The following ARFGEF1 variants were observed in gnomAD, a reference collection of about 807,000 sequenced individuals.
ARFGEF1 encodes the protein brefeldin A-inhibited guanine nucleotide-exchange protein 1.
ARFGEF1 carries 42 observed loss-of-function variants against 231.0 expected under a neutral mutation model. The observed-to-expected ratio is 0.18, with a 90% CI of 0.14 to 0.24. ARFGEF1 has a LOEUF of 0.24. Among genes scored for constraint, ARFGEF1 ranks in the 10% least tolerant of loss-of-function variants. The pLI, the probability that ARFGEF1 is intolerant of heterozygous loss-of-function variation, is 1.00. For missense variants in ARFGEF1, 1,345 were observed against 2,192.0 expected, an observed-to-expected ratio of 0.61 and a Z score of 7.72; for synonymous variants, 710 against 732.3, an observed-to-expected ratio of 0.97 and a Z score of 0.49.
chr8:67,200,036 G>T (rs754958609), intron 38 of ARFGEF1: 2 of 348,740 alleles, frequency 5.7e-6, no homozygotes, highest in Admixed American at 7.6e-5. Flanking sequence ...ATGTAGTCTT[G>T]AGTAGTAGGC....
chr8:67,283,550 C>T (rs1163317382), intron 7 of ARFGEF1, among the ~76,000 whole-genome samples: 1 of 151,938 alleles, frequency 6.6e-6, no homozygotes, highest in Non-Finnish European at 1.5e-5. Flanking sequence ...CAGCAAAACA[C>T]ACCATAATAA....
intron 1 of ARFGEF1, among the ~76,000 whole-genome samples, chr8:67,327,656 T>C (rs1422173050): frequency 6.6e-6 from 1 of 152,248 alleles, no homozygotes; most frequent in Non-Finnish European, 1.5e-5. Context: ...GAATATTTTA[T>C]AGTAGTTCTA....
intron 5 of ARFGEF1, among the ~76,000 whole-genome samples, chr8:67,183,462 A>G (rs1365639956): frequency 6.6e-6 from 1 of 152,212 alleles, no homozygotes; most frequent in Non-Finnish European, 1.5e-5. Context: ...CCAGACCACA[A>G]TGGAAATAAA....
intron 7 of ARFGEF1, 75 bp from the exon 8 acceptor site, chr8:67,277,532 T>C: frequency 7.2e-7 from 1 of 1,395,068 alleles, no homozygotes; most frequent in African/African-American, 1.4e-5. Flanking sequence ...ACAGAGTATT[T>C]AAAATGAAAC....
rs1805699154 is a variant in ARFGEF1 at position 67,285,123 on chromosome 8, A to G, written c.1027+2832T>C. Among the ~76,000 whole-genome samples the G allele has an allele frequency of 2.0e-5, 3 of 151,958 alleles. No homozygotes were observed. In the South Asian group the frequency reaches 6.2e-4, roughly 32 times the overall value. On this transcript the variant is annotated intron_variant, in intron 7 of 38. Coordinates refer to ENST00000262215, the MANE Select transcript of ARFGEF1 (RefSeq NM_006421.5). ...AGGGGGGGGTGGGGCAGGGTGGGAGAGCTCTTCTCTATAGAAAAATGTCAA... is the reference window on the plus strand; with the variant it reads ...AGGGGGGGGTGGGGCAGGGTGGGAGGGCTCTTCTCTATAGAAAAATGTCAA...
intron 5 of ARFGEF1, among the ~76,000 whole-genome samples, chr8:67,177,001 G>A (rs888332056): frequency 2.0e-5 from 3 of 150,752 alleles, no homozygotes; most frequent in African/African-American, 7.3e-5. Context: ...AACCCAGGAG[G>A]TGGAGGTTGC....
intron 5 of ARFGEF1, among the ~76,000 whole-genome samples, chr8:67,181,685 TAAAC>T (rs1833088337): frequency 6.6e-6 from 1 of 152,206 alleles, no homozygotes; most frequent in Admixed American, 6.5e-5. Flanking sequence ...AAAATACACA[TAAAC>T]ATAACATTTA....
chr8:67,266,754 G>C (rs554863920), intron 13 of ARFGEF1, 122 bp downstream of exon 13: 38 of 632,610 alleles, frequency 6.0e-5, no homozygotes, highest in South Asian at 2.6e-4. Flanking sequence ...CACAGAGAAT[G>C]TTTCCTCATC....
Position 67,259,838 on chromosome 8 carries a change from G to A in ARFGEF1, c.2212C>T (p.His738Tyr), listed in dbSNP as rs1017796535. 5 of 1,608,824 alleles carry A rather than the reference G, an allele frequency of 3.1e-6. No homozygotes were observed. The highest frequency in any genetic ancestry group is 4.2e-6 in the Non-Finnish European group (5 of 1,176,710). Residue 738 changes from histidine to tyrosine, a missense_variant, in exon 15 of 39, where the codon CAT becomes TAT. Transcript: ENST00000262215. The part of the protein sequence containing the change: ...TTPEDIAQFL[H>Y]QEERLDSTQV... Reference sequence around the variant, plus strand: ...ACAGAGTCTAATCTTTCCTCTTGATGTAAGAATTGGGCAATATCTTCAGGT... The same window carrying A: ...ACAGAGTCTAATCTTTCCTCTTGATATAAGAATTGGGCAATATCTTCAGGT...
At chr8:67,180,013 T>A in intron 5 of ARFGEF1, 1 of 661,804 alleles carries the variant, frequency 1.5e-6, no homozygotes, top group Non-Finnish European at 2.5e-6. Context: ...TTCCTTGTTG[T>A]ACAAGGTAGT....
downstream of ARFGEF1, chr8:67,195,531 C>T (rs936435444): frequency 4.3e-6 from 7 of 1,614,084 alleles, no homozygotes; most frequent in Non-Finnish European, 5.9e-6. Context: ...CCAGGAGCAG[C>T]AGCAGATTCC....
intron 36 of ARFGEF1, chr8:67,201,833 C>T (rs1362195333): frequency 4.1e-6 from 2 of 490,012 alleles, no homozygotes; most frequent in Non-Finnish European, 7.1e-6. Flanking sequence ...GAAGGTGGAA[C>T]CCTTCACATG....
In ARFGEF1 at chr8:67,175,665, C is replaced by T. The variant is rs1403271561; in HGVS notation, c.561-93G>A. On this transcript the variant is annotated intron_variant, in intron 5 of 5. Coordinates refer to the ARFGEF1 transcript ENST00000518789. ...TGCATGAGAGGGGCCCAGTCATTCA[C>T]TGTAGCCAGGAGGACTGAATACTTT... 9.2e-6 allele frequency: 6 copies of T among 648,814 alleles called. No homozygotes were observed. In the Admixed American group the frequency reaches 1.3e-4, roughly 14 times the overall value. The allele number at this position is 648,814 out of a possible 1,614,324, so 40.2% of individuals were successfully genotyped here.
At chr8:67,274,290 A>C (rs1234535285) in intron 9 of ARFGEF1, among the ~76,000 whole-genome samples, 1 of 151,938 alleles carries the variant, frequency 6.6e-6, no homozygotes, top group East Asian at 1.9e-4. Flanking sequence ...CAAAAAAAAG[A>C]AAATGATGTA....
intron 1 of ARFGEF1, among the ~76,000 whole-genome samples, chr8:67,318,142 CAGG>C (rs1807411307): frequency 6.7e-6 from 1 of 148,948 alleles, no homozygotes; most frequent in African/African-American, 2.5e-5. Flanking sequence ...GAGGCTGATG[CAGG>C]AGAATGGCGT....
chr8:67,247,080 C>T (rs1213450245), intron 19 of ARFGEF1, among the ~76,000 whole-genome samples: 2 of 149,990 alleles, frequency 1.3e-5, no homozygotes, highest in African/African-American at 2.5e-5. Flanking sequence ...CAATAACAAG[C>T]AATGAGATCA....
At chr8:67,202,905 G>C (rs1838383760) in intron 36 of ARFGEF1, among the ~76,000 whole-genome samples, 178 bp downstream of exon 36, 1 of 152,112 alleles carries the variant, frequency 6.6e-6, no homozygotes, top group Non-Finnish European at 1.5e-5. Flanking sequence ...CAGTTATCTG[G>C]CTTACTGTAG....
intron 30 of ARFGEF1, among the ~76,000 whole-genome samples, chr8:67,219,178 G>C (rs1587067575): frequency 1.3e-5 from 2 of 152,142 alleles, no homozygotes; most frequent in East Asian, 3.9e-4. Context: ...TGTTGGCCAG[G>C]CTGGTCTCAA....
chr8:67,218,375 A>ATTT (rs1200595114), intron 30 of ARFGEF1, among the ~76,000 whole-genome samples: 1 of 150,442 alleles, frequency 6.6e-6, no homozygotes, highest in Admixed American at 6.7e-5. Context: ...GTATACAATA[A>ATTT]TTTAACCATT....
Sources: gnomAD v4.1 joint callset for allele counts (sites outside exome capture counted in the v4.1 genomes callset) on GRCh38, gnomAD v4.1.1 for gene constraint, MANE v1.5 for transcripts, NCBI Gene and HGNC (gene_info 2026-07-23, HGNC 2026-07-21) for gene names.